FANCA: variants seen among roughly 807,000 people sequenced by gnomAD.
The protein encoded by FANCA is Fanconi anemia group A protein.
FANCA carries 236 observed loss-of-function variants against 194.3 expected under a neutral mutation model. The ratio of observed to expected loss-of-function variants is 1.21; its 90% CI spans 1.09 to 1.35. The LOEUF is 1.35. FANCA is among the 40% of genes most tolerant of loss of function. The pLI, the probability that FANCA is intolerant of heterozygous loss-of-function variation, is 0.00. For synonymous variants in FANCA, 1,014 were observed against 715.8 expected (o/e 1.42, Z -6.65); for missense variants, 2,628 against 1,813.9 (o/e 1.45, Z -8.15).
Position 89,746,642 on chromosome 16 carries a change from A to G in FANCA, c.3455T>C (p.Val1152Ala). 1 of 1,614,188 alleles carries G rather than the reference A, an allele frequency of 6.2e-7. No individual in the cohort carries two copies. The highest frequency in any genetic ancestry group is 1.1e-5 in the South Asian group (1 of 91,080). Residue 1152 changes from valine (V) to alanine (A), a missense_variant, in exon 35 of 43, where the codon GTC becomes GCC. Transcript: ENST00000389301. ...CTGGCACTTGGCCAGTATGAAGTCG[A>G]CCATCAGGGAGGGGTCTCTGCTCCG... ...CLRSRDPSLMVDFILAKCQTK... is the reference protein window; with the variant it reads ...CLRSRDPSLMADFILAKCQTK...
chr16:89,783,951 G>C (rs1598138851), intron 15 of FANCA, among the ~76,000 whole-genome samples: 2 of 152,104 alleles, frequency 1.3e-5, no homozygotes, highest in Non-Finnish European at 2.9e-5. Context: ...AGTAGACAGG[G>C]GGTTTCTCCA....
At chr16:89,762,772 A>C in intron 28 of FANCA, 1 of 452,606 alleles carries the variant, frequency 2.2e-6, no homozygotes, top group South Asian at 1.6e-5. Context: ...CTGGGACTGC[A>C]GGTGCACATC....
rs2039845373 is a variant in FANCA, at chr16:89,784,882, ACG to A, written c.1440_1441del (p.Val481AlafsTer3). On this transcript the variant is annotated frameshift_variant, in exon 15 of 43. Coordinates refer to ENST00000389301, the MANE Select transcript of FANCA (RefSeq NM_000135.4). LOFTEE classifies it high-confidence loss of function. ...CAGGTACCGGGGAGACTCAAAAGGC[ACG>A]AGTTCTGACAAGAACGTAAACAGGA... 1 of 1,614,048 alleles carries A rather than the reference ACG, an allele frequency of 6.2e-7. No homozygotes were observed. Among genetic ancestry groups the A allele is most frequent in the African/African-American group, 1.3e-5 (1 of 74,936 alleles).
At chr16:89,773,545 C>T (rs1248183758) in intron 21 of FANCA, among the ~76,000 whole-genome samples, 161 bp from the exon 22 acceptor site, 1 of 152,088 alleles carries the variant, frequency 6.6e-6, no homozygotes, top group Non-Finnish European at 1.5e-5. Context: ...AATGAGGTGT[C>T]TTCCCTGATG....
Position 89,748,785 on chromosome 16 carries a change from T to A in FANCA, c.3240-18A>T, listed in dbSNP as rs1211642845. 1 of 1,605,790 alleles carries A rather than the reference T, an allele frequency of 6.2e-7. No homozygotes were observed. Among genetic ancestry groups the A allele is most frequent in the Non-Finnish European group, 8.5e-7 (1 of 1,173,432 alleles). On this transcript the variant is annotated intron_variant, in intron 32 of 42. Coordinates refer to ENST00000389301, the MANE Select transcript of FANCA (RefSeq NM_000135.4). ...GGAGGATCCTGGAAAGAAGGGGCTGTATTGGTGGCGACAGCACAGCGTACA... is the reference window on the plus strand; with the variant it reads ...GGAGGATCCTGGAAAGAAGGGGCTGAATTGGTGGCGACAGCACAGCGTACA...
chr16:89,777,432 A>G (rs1473820477), intron 20 of FANCA, among the ~76,000 whole-genome samples: 1 of 152,064 alleles, frequency 6.6e-6, no homozygotes, highest in Non-Finnish European at 1.5e-5. Flanking sequence ...TTAAGATTTA[A>G]AAAATTATTT....
At position 89,758,721 on chromosome 16, in the gene FANCA, C is replaced by T. The variant is rs2038845401; in HGVS notation, c.2853-16G>A. ...GAAGTCCTGCCTAGAACAGCAAACA[C>T]TGCTATCAATTCTGAGAAATGCTTC... On this transcript the variant is annotated splice_polypyrimidine_tract_variant and intron_variant, in intron 29 of 42. Transcript: ENST00000389301. The T allele has an allele frequency of 6.2e-7, 1 of 1,612,972 alleles. No homozygotes were observed. The highest frequency in any genetic ancestry group is 1.3e-5 in the African/African-American group (1 of 75,018).
intron 40 of FANCA, 43 bp downstream of exon 40, chr16:89,739,435 G>T (rs2062065494): frequency 7.1e-6 from 11 of 1,554,324 alleles, no homozygotes; most frequent in Non-Finnish European, 8.7e-6. Context: ...TGGGGGTCTG[G>T]GAAACACTGC....
chr16:89,771,850 C>T (rs772020869), intron 22 of FANCA, 36 bp from the exon 23 acceptor site: 1 of 1,612,382 alleles, frequency 6.2e-7, no homozygotes, highest in Non-Finnish European at 8.5e-7. Context: ...ATGACAAGAA[C>T]CCCGAAAGGA....
intron 27 of FANCA, among the ~76,000 whole-genome samples, chr16:89,765,957 G>C (rs561281760): frequency 2.6e-5 from 4 of 152,058 alleles, no homozygotes; most frequent in Admixed American, 6.6e-5. Context: ...CTTCTCAGTT[G>C]ATTCTAATGT....
intron 8 of FANCA, among the ~76,000 whole-genome samples, chr16:89,800,491 C>A: frequency 6.6e-6 from 1 of 152,194 alleles, no homozygotes; most frequent in South Asian, 2.1e-4. Context: ...AAACTATCTA[C>A]AGATTCAATG....
chr16:89,807,602 T>C (rs557875332), intron 6 of FANCA, among the ~76,000 whole-genome samples: 8 of 151,510 alleles, frequency 5.3e-5, no homozygotes, highest in African/African-American at 1.5e-4. Context: ...ATAACAAAAA[T>C]TGCCAGGCAC....
intron 14 of FANCA, among the ~76,000 whole-genome samples, chr16:89,788,388 G>C (rs575349714): frequency 6.6e-6 from 1 of 152,170 alleles, no homozygotes; most frequent in South Asian, 2.1e-4. Flanking sequence ...TTGAACCCAG[G>C]AGGTGGGAGT....
At chr16:89,791,243 C>G in intron 14 of FANCA, 160 bp downstream of exon 14, 1 of 959,504 alleles carries the variant, frequency 1.0e-6, no homozygotes, top group Non-Finnish European at 1.6e-6. Context: ...ACCCAGGCTC[C>G]TCGGCACACG....
intron 2 of FANCA, among the ~76,000 whole-genome samples, chr16:89,815,335 CTTTTTTTTTTTTTTTT>C (rs562815235): frequency 0.032 from 2,147 of 66,664 alleles, 107 homozygotes; most frequent in African/African-American, 0.1. Flanking sequence ...CCACGCCCGG[CTTTTTTTTTTTTTTTT>C]TTTTTTTTTT....
Position 89,745,519 on chromosome 16 carries a change from C to T in FANCA, c.3514-448G>A, listed in dbSNP as rs113342893. Among the ~76,000 whole-genome samples, 1,307 of 131,910 alleles carry T rather than the reference C, an allele frequency of 9.9e-3. 29 individuals are homozygous for T. Among genetic ancestry groups the T allele is most frequent in the East Asian group, 0.027 (102 of 3,714 alleles). 86.5% of individuals were successfully genotyped at this position (131,910 alleles called of 152,430 possible). A position where few individuals can be genotyped will look rare whatever the true frequency, so the allele number is the denominator to read the frequency against. On this transcript the variant is annotated intron_variant, in intron 35 of 42. Coordinates refer to ENST00000389301, the MANE Select transcript of FANCA (RefSeq NM_000135.4). ...GCTGGGAACGAAACAGTGAAGGGAC[C>T]ACACTGCCCTGAGCTGGGAACGAAA...
chr16:89,805,471 A>T (rs55743951), intron 6 of FANCA, 79 bp from the exon 7 acceptor site: 21 of 1,084,202 alleles, frequency 1.9e-5, no homozygotes, highest in Non-Finnish European at 2.4e-5. Flanking sequence ...ATATGTCCCA[A>T]TTTTTTTTTT....
intron 11 of FANCA, among the ~76,000 whole-genome samples, chr16:89,794,931 G>A (rs1315823685): frequency 6.6e-6 from 1 of 152,194 alleles, no homozygotes; most frequent in East Asian, 1.9e-4. Context: ...AACGTGAGTT[G>A]TGCTGGGTGA....
At chr16:89,789,284 A>T (rs1368881918) in intron 14 of FANCA, among the ~76,000 whole-genome samples, 1 of 129,940 alleles carries the variant, frequency 7.7e-6, no homozygotes, top group African/African-American at 3.2e-5. Context: ...CCTCCTGTGC[A>T]GCCTCAGCTC....
Sources: allele counts gnomAD v4.1 joint callset (sites outside exome capture counted in the v4.1 genomes callset), GRCh38; gene constraint gnomAD v4.1.1; transcripts MANE v1.5; gene names NCBI Gene and HGNC (gene_info 2026-07-23, HGNC 2026-07-21).